The following ADGRL2 variants were observed in gnomAD, a reference collection of about 807,000 sequenced individuals.
The protein encoded by ADGRL2 is calcium-independent alpha-latrotoxin receptor 2.
ADGRL2 carries 44 observed loss-of-function variants against 157.4 expected under a neutral mutation model. The observed-to-expected ratio is 0.28, with a 90% CI of 0.22 to 0.36. The LOEUF (loss-of-function observed/expected upper bound fraction) is 0.36, where lower values mean the gene tolerates loss of function less well. Ranked by LOEUF, ADGRL2 falls within the 10% of genes least tolerant of loss-of-function variation. The pLI is 1.00. For synonymous variants in ADGRL2, 585 were observed against 624.7 expected (o/e 0.94, Z 0.95); for missense variants, 1,510 against 1,768.9 (o/e 0.85, Z 2.63).
At chr1:81,534,837 T>C (rs1207772259) in intron 2 of ADGRL2, among the ~76,000 whole-genome samples, 2 of 152,242 alleles carry the variant, frequency 1.3e-5, no homozygotes, top group Non-Finnish European at 2.9e-5. Flanking sequence ...AACAGAATAA[T>C]GCCACTATTC....
intron 1 of ADGRL2, among the ~76,000 whole-genome samples, chr1:81,311,701 C>T (rs1488825586): frequency 6.6e-6 from 1 of 152,182 alleles, no homozygotes; most frequent in East Asian, 1.9e-4. Flanking sequence ...TGAGCCTACG[C>T]TCTCTGACAG....
At chr1:81,448,049 C>A (rs2077631171) in intron 2 of ADGRL2, among the ~76,000 whole-genome samples, 1 of 151,912 alleles carries the variant, frequency 6.6e-6, no homozygotes, top group Admixed American at 6.6e-5. Context: ...TTTCCTGAGG[C>A]CTCCCAAGAA....
chr1:81,552,624 A>C (rs534104831), intron 2 of ADGRL2, among the ~76,000 whole-genome samples: 1,493 of 138,632 alleles, frequency 0.011, 35 homozygotes, highest in African/African-American at 0.036. Flanking sequence ...AAAAAAAAAA[A>C]CAGAAAAGAA....
At chr1:81,665,612 T>G (rs577271534) in intron 3 of ADGRL2, among the ~76,000 whole-genome samples, 11 of 152,248 alleles carry the variant, frequency 7.2e-5, no homozygotes, top group African/African-American at 2.4e-4. Flanking sequence ...GAGAAGCATG[T>G]TAGGTAAATG....
At chr1:81,881,327 C>G (rs925501797) in intron 2 of ADGRL2, among the ~76,000 whole-genome samples, 2 of 152,128 alleles carry the variant, frequency 1.3e-5, no homozygotes, top group African/African-American at 4.8e-5. Context: ...AGGAGCCCGC[C>G]GCCACGCCCG....
intron 3 of ADGRL2, among the ~76,000 whole-genome samples, chr1:81,670,420 C>T (rs2082850274): frequency 6.6e-6 from 1 of 152,248 alleles, no homozygotes; most frequent in South Asian, 2.1e-4. Context: ...AGGAGCTGTG[C>T]TTGTATATGT....
Position 81,801,010 on chromosome 1 carries a change from G to C in ADGRL2, c.-159G>C, listed in dbSNP as rs1237401029. ...CCGCCCCGCCGGCGGAGCCGGGGCC[G>C]GCCTGGTCCTCGGGCGGCTGCTTGG... On this transcript the variant is annotated 5_prime_UTR_variant, in exon 1 of 24. Transcript: ENST00000686636. 2.0e-5 allele frequency among the ~76,000 whole-genome samples: 3 copies of C among 150,754 alleles called. No individual in the cohort carries two copies. Among genetic ancestry groups the C allele is most frequent in the African/African-American group, 7.3e-5 (3 of 41,266 alleles).
chr1:81,900,902 C>A (rs1262384692), intron 2 of ADGRL2, among the ~76,000 whole-genome samples: 4 of 151,126 alleles, frequency 2.6e-5, no homozygotes, highest in Non-Finnish European at 5.9e-5. Context: ...ATCTAGGAGC[C>A]GAGGCTAAAA....
chr1:81,610,227 A>G (rs74226538), intron 3 of ADGRL2, among the ~76,000 whole-genome samples: 67 of 91,168 alleles, frequency 7.3e-4, no homozygotes, highest in East Asian at 1.2e-3. Context: ...AGTGGCTTGG[A>G]GGTTTTTTTT....
At chr1:81,802,207 T>C (rs2088305172) in intron 1 of ADGRL2, among the ~76,000 whole-genome samples, 2 of 151,810 alleles carry the variant, frequency 1.3e-5, no homozygotes, top group African/African-American at 4.8e-5. Context: ...CGGCCCTCCC[T>C]CGGGGCGCGC....
chr1:81,982,921 A>G (rs1426898174), intron 19 of ADGRL2, among the ~76,000 whole-genome samples: 1 of 152,026 alleles, frequency 6.6e-6, no homozygotes, highest in African/African-American at 2.4e-5. Flanking sequence ...AGCAGTTAAC[A>G]CCCATTAAAT....
chr1:81,673,578 G>A (rs570453191), intron 3 of ADGRL2, among the ~76,000 whole-genome samples: 10 of 142,494 alleles, frequency 7.0e-5, no homozygotes, highest in Middle Eastern at 4.0e-3. Flanking sequence ...GCAGTGGCGC[G>A]ATCTCGGCTC....
intron 2 of ADGRL2, among the ~76,000 whole-genome samples, chr1:81,486,204 A>G (rs751166471): frequency 6.6e-6 from 1 of 152,146 alleles, no homozygotes. Context: ...CAAAACCCCT[A>G]TGTGCACATT....
intron 1 of ADGRL2, among the ~76,000 whole-genome samples, chr1:81,340,560 A>T (rs1169440896): frequency 1.3e-5 from 2 of 152,194 alleles, no homozygotes; most frequent in African/African-American, 4.8e-5. Flanking sequence ...TTCACACATT[A>T]TCTATGGCCA....
chr1:81,658,810 G>A lies in ADGRL2; in HGVS notation c.-143+77830G>A, dbSNP rs141015750. On this transcript the variant is annotated intron_variant, in intron 3 of 24. Transcript: ENST00000370721. ...CTTGTTGCCCAGGCTGGAGTGCGAT[G>A]GCACAATCTCAGCTCATTGCAACCT... Among the ~76,000 whole-genome samples the A allele has an allele frequency of 8.1e-3, 1,233 of 152,010 alleles. 15 individuals carry two copies. Among genetic ancestry groups the A allele is most frequent in the African/African-American group, 0.028 (1,170 of 41,470 alleles).
rs187882051 is a variant in ADGRL2, at chr1:81,308,730, A to T, written c.-302+2221A>T. ...TATAGACTTTCGCATTTGTTTGCAA[A>T]CCTCTGAGAAAACTCTCCAAAGACC... On this transcript the variant is annotated intron_variant, in intron 1 of 24. Transcript: ENST00000370721. Among the ~76,000 whole-genome samples, 6 of 152,274 alleles carry T rather than the reference A, an allele frequency of 3.9e-5. No individual in the cohort carries two copies. The East Asian group carries it at 1.2e-3, about 29-fold the overall frequency.
At chr1:81,756,172 T>C (rs2085682762) in intron 1 of ADGRL2, among the ~76,000 whole-genome samples, 2 of 152,164 alleles carry the variant, frequency 1.3e-5, no homozygotes, top group South Asian at 4.1e-4. Context: ...TCTTATTTCC[T>C]TCACATCTAC....
intron 3 of ADGRL2, among the ~76,000 whole-genome samples, chr1:81,694,599 A>T (rs1243647079): frequency 1.3e-5 from 2 of 152,074 alleles, no homozygotes; most frequent in African/African-American, 4.8e-5. Flanking sequence ...GAAATCTCAA[A>T]CCTAATATGC....
intron 1 of ADGRL2, chr1:81,426,554 G>C (rs2077220540): frequency 2.2e-6 from 1 of 449,090 alleles, no homozygotes; most frequent in East Asian, 6.3e-5. Context: ...AACCAGAGTA[G>C]TTGGGAAAAC....
Sources: allele counts gnomAD v4.1 joint callset (sites outside exome capture counted in the v4.1 genomes callset), GRCh38; gene constraint gnomAD v4.1.1; transcripts MANE v1.5; gene names NCBI Gene and HGNC (gene_info 2026-07-23, HGNC 2026-07-21).